The following ERBIN variants were observed in gnomAD, a reference collection of about 807,000 sequenced individuals.
ERBIN encodes the protein densin-180-like protein.
In ERBIN, 60 loss-of-function variants were observed where a neutral mutation model predicts 158.4. That is an observed-to-expected ratio of 0.38 (90% CI 0.31 to 0.47). ERBIN has a LOEUF of 0.47. Ranked by LOEUF, ERBIN falls within the 20% of genes least tolerant of loss-of-function variation. ERBIN has a pLI of 0.99. For synonymous variants in ERBIN, 594 were observed against 557.2 expected (o/e 1.07, Z -0.93); for missense variants, 1,610 against 1,648.0 (o/e 0.98, Z 0.40).
chr5:66,034,915 G>A (rs1158046407), intron 14 of ERBIN, among the ~76,000 whole-genome samples: 1 of 152,136 alleles, frequency 6.6e-6, no homozygotes, highest in Non-Finnish European at 1.5e-5. Context: ...TGGTACAAAA[G>A]GGGAGTCAAA....
chr5:65,934,365 C>T (rs902972059), intron 1 of ERBIN, among the ~76,000 whole-genome samples: 2 of 152,130 alleles, frequency 1.3e-5, no homozygotes, highest in Non-Finnish European at 2.9e-5. Context: ...AGTTTGGAAT[C>T]ATGTGTTACA....
At chr5:66,021,033 A>G (rs1755628661) in intron 7 of ERBIN, among the ~76,000 whole-genome samples, 1 of 152,018 alleles carries the variant, frequency 6.6e-6, no homozygotes, top group Non-Finnish European at 1.5e-5. Context: ...GTGAAAAAAT[A>G]GAAACTCATT....
At chr5:65,965,545 C>G (rs59222422) in intron 1 of ERBIN, among the ~76,000 whole-genome samples, 6,097 of 111,188 alleles carry the variant, frequency 0.055, 418 homozygotes, top group African/African-American at 0.18. Flanking sequence ...GCTGGGACTA[C>G]AGGCATGTGC....
chr5:66,053,816 C>G lies in ERBIN; in HGVS notation c.2498C>G (p.Pro833Arg). The change falls in exon 21 of 26, where the codon CCT becomes CGT. Residue 833 changes from proline (P) to arginine (R), a missense_variant. This residue lies in a region of ERBIN where 1,014 missense variants were observed against 936.1 expected (regional missense o/e 1.08). Coordinates refer to ENST00000284037, the MANE Select transcript of ERBIN (RefSeq NM_001253697.2). ...NGHSEETSQS[P>R]NRTEPHDSDC... Reference sequence around the variant, plus strand: ...CATTCTGAGGAAACTTCCCAGTCTCCTAATAGGACTGAACCACATGACAGT... The same window carrying G: ...CATTCTGAGGAAACTTCCCAGTCTCGTAATAGGACTGAACCACATGACAGT... 1.9e-6 allele frequency: 3 copies of G among 1,613,958 alleles called. No individual in the cohort carries two copies. The highest frequency in any genetic ancestry group is 2.5e-6 in the Non-Finnish European group (3 of 1,179,994).
intron 4 of ERBIN, among the ~76,000 whole-genome samples, chr5:66,001,837 T>A (rs1269841030): frequency 6.6e-6 from 1 of 152,154 alleles, no homozygotes; most frequent in African/African-American, 2.4e-5. Context: ...GGGATACATG[T>A]GCTGAACGTG....
Position 65,992,848 on chromosome 5 carries a change from T to C in ERBIN, c.130T>C (p.Phe44Leu). 1 of 1,613,082 alleles carries C rather than the reference T, an allele frequency of 6.2e-7. No homozygotes were observed. Among genetic ancestry groups the C allele is most frequent in the Non-Finnish European group, 8.5e-7 (1 of 1,179,648 alleles). Residue 44 changes from phenylalanine (F) to leucine (L), a missense_variant, in exon 3 of 26, where the codon TTT (phenylalanine) becomes CTT (leucine). This residue lies in a region of ERBIN where 596 missense variants were observed against 711.9 expected (regional missense o/e 0.84). Transcript: ENST00000284037. ...ACAAGTTCCGAAAGAGATTTTTACTTTTGAAAAAACCTTGGAGGAACTCTA... is the reference window on the plus strand; with the variant it reads ...ACAAGTTCCGAAAGAGATTTTTACTCTTGAAAAAACCTTGGAGGAACTCTA... ...LEQVPKEIFTFEKTLEELYLD... is the reference protein window; with the variant it reads ...LEQVPKEIFTLEKTLEELYLD...
At chr5:66,050,536 C>T (rs1394844703) in intron 19 of ERBIN, among the ~76,000 whole-genome samples, 1 of 5,406 alleles carries the variant, frequency 1.8e-4, no homozygotes. Flanking sequence ...TGAGCCACCG[C>T]GCCCGGCCTA....
At chr5:65,994,628 T>C (rs1752221335) in intron 3 of ERBIN, 119 bp from the exon 4 acceptor site, 1 of 584,622 alleles carries the variant, frequency 1.7e-6, no homozygotes, top group Non-Finnish European at 3.0e-6. Flanking sequence ...GAGGCATCTT[T>C]CCTGGTATTA....
intron 1 of ERBIN, among the ~76,000 whole-genome samples, chr5:65,962,121 A>G (rs926294696): frequency 1.3e-5 from 2 of 152,218 alleles, no homozygotes; most frequent in African/African-American, 2.4e-5. Context: ...TTGTAAATGT[A>G]TAATGTATAT....
At chr5:66,048,346 A>C (rs879461940) in intron 18 of ERBIN, among the ~76,000 whole-genome samples, 1 of 151,966 alleles carries the variant, frequency 6.6e-6, no homozygotes, top group Admixed American at 6.6e-5. Context: ...ACTCTAATTC[A>C]TAGAGCTATA....
At chr5:65,947,145 G>A (rs1014104059) in intron 1 of ERBIN, among the ~76,000 whole-genome samples, 1 of 152,076 alleles carries the variant, frequency 6.6e-6, no homozygotes, top group South Asian at 2.1e-4. Context: ...TGCTTCTGTT[G>A]TGAAGTCCAG....
chr5:65,980,014 A>T (rs1750476513), intron 1 of ERBIN, among the ~76,000 whole-genome samples: 2 of 152,260 alleles, frequency 1.3e-5, no homozygotes, highest in Admixed American at 6.5e-5. Context: ...TGTAATTTCT[A>T]GAGCAACCAA....
intron 4 of ERBIN, among the ~76,000 whole-genome samples, chr5:66,009,017 T>G (rs747714727): frequency 4.6e-5 from 7 of 152,164 alleles, no homozygotes; most frequent in Non-Finnish European, 7.3e-5. Context: ...ATACAAAAAT[T>G]TTCAGTGCAA....
At chr5:66,018,567 T>TTAATTA in intron 7 of ERBIN, among the ~76,000 whole-genome samples, 1 of 9,922 alleles carries the variant, frequency 1.0e-4, no homozygotes, top group East Asian at 1.6e-3. Flanking sequence ...ATAATATATA[T>TTAATTA]TATATTATAT....
At chr5:65,952,047 A>T (rs1196557274) in intron 1 of ERBIN, among the ~76,000 whole-genome samples, 3 of 152,216 alleles carry the variant, frequency 2.0e-5, no homozygotes, top group African/African-American at 7.2e-5. Flanking sequence ...ATGTAAATAC[A>T]ATTCAGACAT....
chr5:65,974,016 C>T (rs1372661141), intron 1 of ERBIN, among the ~76,000 whole-genome samples: 4 of 151,074 alleles, frequency 2.6e-5, no homozygotes, highest in Non-Finnish European at 5.9e-5. Context: ...TGGGGGATTG[C>T]TTGAGGCCAG....
chr5:65,999,137 G>A (rs1335453099), intron 4 of ERBIN, among the ~76,000 whole-genome samples: 1 of 152,178 alleles, frequency 6.6e-6, no homozygotes, highest in African/African-American at 2.4e-5. Context: ...GGGAGGCCAA[G>A]GTGAGCAGAT....
At chr5:66,043,014 A>T in intron 15 of ERBIN, 63 bp from the exon 16 acceptor site, 1 of 1,247,336 alleles carries the variant, frequency 8.0e-7, no homozygotes, top group African/African-American at 1.5e-5. Context: ...AATTATGAGC[A>T]AGTGATAGTT....
chr5:65,972,364 A>G lies in ERBIN; in HGVS notation c.-57-16271A>G, dbSNP rs116868995. ...CATTGAGAACCATTGATGTTACGCA[A>G]ATGCTATTAAACTTTGCATCTAAGA... On this transcript the variant is annotated intron_variant, in intron 1 of 25. Coordinates refer to ENST00000284037, the MANE Select transcript of ERBIN (RefSeq NM_001253697.2). Among the ~76,000 whole-genome samples the G allele has an allele frequency of 4.8e-3, 734 of 151,522 alleles. 7 individuals carry two copies. Among genetic ancestry groups the G allele is most frequent in the East Asian group, 0.025 (130 of 5,180 alleles).
Sources: allele counts gnomAD v4.1 joint callset (sites outside exome capture counted in the v4.1 genomes callset), GRCh38; gene constraint gnomAD v4.1.1; regional missense constraint gnomAD v4.1.1; transcripts MANE v1.5; gene names NCBI Gene and HGNC (gene_info 2026-07-23, HGNC 2026-07-21).